Variants in PTPRD observed in about 807,000 individuals in gnomAD.
The protein encoded by PTPRD is protein tyrosine phosphatase receptor type D.
PTPRD carries 34 observed loss-of-function variants against 214.5 expected under a neutral mutation model. That is an observed-to-expected ratio of 0.16 (90% CI 0.12 to 0.21). The LOEUF (loss-of-function observed/expected upper bound fraction) is 0.21. PTPRD is among the 10% of genes least tolerant of loss of function. The pLI is 1.00. For missense variants in PTPRD, 2,545 were observed against 2,398.7 expected (o/e 1.06, Z -1.27); for synonymous variants, 1,128 against 845.7 (o/e 1.33, Z -5.79).
At chr9:9,502,935 T>A (rs1263667746) in intron 8 of PTPRD, among the ~76,000 whole-genome samples, 2 of 151,998 alleles carry the variant, frequency 1.3e-5, no homozygotes, top group Admixed American at 1.3e-4. Context: ...TTAGATTGAC[T>A]GCAAAGGAGT....
Position 8,626,925 on chromosome 9 carries a change from TGG to T in PTPRD, c.352+6390_352+6391del, listed in dbSNP as rs147477939. On this transcript the variant is annotated intron_variant, in intron 14 of 45. Coordinates refer to ENST00000381196, the MANE Select transcript of PTPRD (RefSeq NM_002839.4). ...CTTCCTATATATGTATATATTCTGT[TGG>T]GGTTCTCTTTCTCCAGAGAACCCTA... Among the ~76,000 whole-genome samples the T allele has an allele frequency of 6.3e-3, 956 of 151,864 alleles. 14 individuals are homozygous for T. Among genetic ancestry groups the T allele is most frequent in the African/African-American group, 0.022 (912 of 41,492 alleles).
chr9:8,501,127 TAAAAC>T (rs757218117), intron 23 of PTPRD, 68 bp from the exon 24 acceptor site: 46 of 1,252,524 alleles, frequency 3.7e-5, no homozygotes, highest in African/African-American at 4.6e-5. Context: ...AAAAAAATGA[TAAAAC>T]AAAAGAAAAG....
chr9:9,727,458 A>C (rs1012991198), intron 7 of PTPRD, among the ~76,000 whole-genome samples: 6 of 152,142 alleles, frequency 3.9e-5, no homozygotes, highest in Admixed American at 3.9e-4. Context: ...CTGAAAATTA[A>C]ATTAAATGAA....
At chr9:9,433,641 G>A (rs2084070648) in intron 8 of PTPRD, among the ~76,000 whole-genome samples, 1 of 152,068 alleles carries the variant, frequency 6.6e-6, no homozygotes, top group Non-Finnish European at 1.5e-5. Flanking sequence ...TCACAATGAA[G>A]CAACAGTCAC....
intron 5 of PTPRD, among the ~76,000 whole-genome samples, chr9:9,779,475 G>A (rs139763598): frequency 6.3e-4 from 96 of 152,044 alleles, no homozygotes; most frequent in African/African-American, 1.5e-3. Flanking sequence ...TCTAATATCC[G>A]GAATGTATAA....
chr9:10,481,674 C>A (rs1330385713), intron 2 of PTPRD, among the ~76,000 whole-genome samples: 3 of 152,088 alleles, frequency 2.0e-5, no homozygotes, highest in African/African-American at 7.2e-5. Context: ...ATACTCAGCC[C>A]ATAATCATTA....
chr9:10,117,440 C>T lies in PTPRD; in HGVS notation c.-544-83650G>A, dbSNP rs139531234. Among the ~76,000 whole-genome samples the T allele has an allele frequency of 3.8e-3, 585 of 152,164 alleles. 3 individuals are homozygous for T. Among genetic ancestry groups the T allele is most frequent in the African/African-American group, 0.013 (559 of 41,538 alleles). On this transcript the variant is annotated intron_variant, in intron 3 of 45. Coordinates refer to ENST00000381196, the MANE Select transcript of PTPRD (RefSeq NM_002839.4). ...AAGAAAAATTTATTCTGTCACAGTT[C>T]TGGAGGCTAGAAGTACAAAATCAAG...
chr9:9,545,903 T>C (rs549217772), intron 8 of PTPRD, among the ~76,000 whole-genome samples: 1 of 151,934 alleles, frequency 6.6e-6, no homozygotes, highest in South Asian at 2.1e-4. Flanking sequence ...AACTTGAATA[T>C]ATTGAGTCTT....
At chr9:10,148,802 C>T (rs148179096) in intron 3 of PTPRD, among the ~76,000 whole-genome samples, 39 of 152,250 alleles carry the variant, frequency 2.6e-4, no homozygotes, top group African/African-American at 9.1e-4. Flanking sequence ...TACTTTAAAG[C>T]TCCCCAAGTA....
At chr9:8,465,308 T>G (rs1374940524) in intron 32 of PTPRD, among the ~76,000 whole-genome samples, 158 bp downstream of exon 32, 1 of 151,854 alleles carries the variant, frequency 6.6e-6, no homozygotes, top group Non-Finnish European at 1.5e-5. Flanking sequence ...AGGAGTATAT[T>G]GAGCAATGTT....
chr9:10,398,187 T>A (rs2098207110), intron 2 of PTPRD, among the ~76,000 whole-genome samples: 1 of 151,582 alleles, frequency 6.6e-6, no homozygotes, highest in Non-Finnish European at 1.5e-5. Context: ...GAGACCAGCC[T>A]GGACAACACA....
chr9:9,774,039 T>C (rs1319654409), intron 5 of PTPRD, among the ~76,000 whole-genome samples: 2 of 152,268 alleles, frequency 1.3e-5, no homozygotes, highest in African/African-American at 2.4e-5. Context: ...CTCATGCAGG[T>C]AAGTGGACAT....
At chr9:9,325,186 G>A (rs537163096) in intron 9 of PTPRD, among the ~76,000 whole-genome samples, 26 of 152,208 alleles carry the variant, frequency 1.7e-4, no homozygotes, top group African/African-American at 3.9e-4. Context: ...CTCTTTTTTG[G>A]TTCCATATGA....
intron 10 of PTPRD, among the ~76,000 whole-genome samples, chr9:9,155,187 A>T (rs935730257): frequency 6.6e-6 from 1 of 152,164 alleles, no homozygotes; most frequent in Non-Finnish European, 1.5e-5. Flanking sequence ...TTGATTCTAG[A>T]AGTGGGTAAT....
intron 9 of PTPRD, among the ~76,000 whole-genome samples, chr9:9,371,454 T>A (rs1470397873): frequency 2.6e-5 from 4 of 152,228 alleles, no homozygotes; most frequent in Non-Finnish European, 4.4e-5. Flanking sequence ...GGATCGGTGG[T>A]AATATCCCCT....
At chr9:9,936,543 T>C (rs1008599822) in intron 5 of PTPRD, among the ~76,000 whole-genome samples, 1 of 143,218 alleles carries the variant, frequency 7.0e-6, no homozygotes. Context: ...TCACACCAGT[T>C]AGAATGGCGA....
intron 39 of PTPRD, among the ~76,000 whole-genome samples, chr9:8,345,722 C>T (rs937207078): frequency 4.6e-5 from 7 of 152,024 alleles, no homozygotes; most frequent in African/African-American, 1.7e-4. Context: ...GAATTCCTAC[C>T]ACGTTTGAAA....
intron 10 of PTPRD, among the ~76,000 whole-genome samples, chr9:9,108,646 T>C (rs1335511453): frequency 1.3e-5 from 2 of 152,146 alleles, no homozygotes; most frequent in Non-Finnish European, 2.9e-5. Context: ...ATCTACCAGA[T>C]CTTAAATGCT....
At position 8,356,827 on chromosome 9, in the gene PTPRD, T is replaced by G. The variant is rs575303027; in HGVS notation, c.4662-14849A>C. 7.9e-4 allele frequency among the ~76,000 whole-genome samples: 121 copies of G among 152,272 alleles called. 1 individual carries two copies. Among genetic ancestry groups the G allele is most frequent in the African/African-American group, 2.7e-3 (111 of 41,558 alleles). The stretch of plus-strand genomic sequence containing the variant: ...ACTAAATACGTGTGCATAAAATGAT[T>G]CATTGAGAGCTCTGATCAAGTAATG... On this transcript the variant is annotated intron_variant, in intron 39 of 45. Coordinates refer to ENST00000381196, the MANE Select transcript of PTPRD (RefSeq NM_002839.4).
Sources: allele counts gnomAD v4.1 joint callset (sites outside exome capture counted in the v4.1 genomes callset), GRCh38; gene constraint gnomAD v4.1.1; transcripts MANE v1.5; gene names NCBI Gene and HGNC (gene_info 2026-07-23, HGNC 2026-07-21).